Variants in NRG1 observed in about 807,000 individuals in gnomAD.
NRG1 encodes the protein neuregulin 1, also known as pro-neuregulin-1, membrane-bound isoform.
In NRG1, 18 loss-of-function variants were observed where a neutral mutation model predicts 63.8. The observed-to-expected ratio is 0.28, with a 90% CI of 0.19 to 0.42. The LOEUF (loss-of-function observed/expected upper bound fraction) is 0.42, where lower values mean the gene tolerates loss of function less well. Ranked by LOEUF, NRG1 falls within the 10% of genes least tolerant of loss-of-function variation. The pLI is 1.00. For synonymous variants in NRG1, 302 were observed against 301.3 expected, an observed-to-expected ratio of 1.00 and a Z score of -0.02; for missense variants, 762 against 814.7, an observed-to-expected ratio of 0.94 and a Z score of 0.79.
chr8:32,281,786 G>A (rs1317097868), intron 1 of NRG1, among the ~76,000 whole-genome samples: 1 of 148,710 alleles, frequency 6.7e-6, no homozygotes, highest in Admixed American at 6.7e-5. Flanking sequence ...TTCAAAGCCA[G>A]CCTGGGCAAC....
intron 1 of NRG1, among the ~76,000 whole-genome samples, chr8:32,060,495 T>G (rs560289036): frequency 1.3e-5 from 2 of 152,062 alleles, no homozygotes; most frequent in Admixed American, 6.6e-5. Flanking sequence ...TTAGTTCAAT[T>G]TTTTTAGAGA....
intron 1 of NRG1, among the ~76,000 whole-genome samples, chr8:32,413,072 T>C (rs934020635): frequency 2.0e-5 from 3 of 152,194 alleles, no homozygotes; most frequent in African/African-American, 7.2e-5. Flanking sequence ...ATTCTCCTAA[T>C]TGTGTCCCAA....
intron 1 of NRG1, among the ~76,000 whole-genome samples, chr8:32,506,270 A>T (rs1023198447): frequency 1.3e-5 from 2 of 152,110 alleles, no homozygotes; most frequent in Non-Finnish European, 1.5e-5. Context: ...AAAACAAAAC[A>T]AAACAAACAG....
intron 1 of NRG1, among the ~76,000 whole-genome samples, chr8:32,143,755 C>T (rs140061896): frequency 6.6e-6 from 1 of 152,322 alleles, no homozygotes; most frequent in Non-Finnish European, 1.5e-5. Flanking sequence ...TCAAAGTCAA[C>T]AGTTTATGCC....
chr8:32,021,822 TA>T (rs1253540533), intron 1 of NRG1, among the ~76,000 whole-genome samples: 1 of 152,200 alleles, frequency 6.6e-6, no homozygotes, highest in Non-Finnish European at 1.5e-5. Context: ...TCATTGGTAT[TA>T]TTTTCATTAA....
At chr8:31,689,672 C>A (rs1171642531) in intron 1 of NRG1, among the ~76,000 whole-genome samples, 1 of 152,168 alleles carries the variant, frequency 6.6e-6, no homozygotes, top group African/African-American at 2.4e-5. Context: ...TATACTTTAA[C>A]TTACCAACCT....
intron 1 of NRG1, among the ~76,000 whole-genome samples, chr8:32,274,947 C>T (rs2129472727): frequency 6.6e-6 from 1 of 152,284 alleles, no homozygotes; most frequent in East Asian, 1.9e-4. Context: ...GCTTGATCCT[C>T]CCATGTACCA....
At chr8:32,601,178 C>T (rs1333696873) in intron 2 of NRG1, among the ~76,000 whole-genome samples, 1 of 152,076 alleles carries the variant, frequency 6.6e-6, no homozygotes, top group Non-Finnish European at 1.5e-5. Flanking sequence ...CCAATGATGT[C>T]TCTGTAGAGT....
chr8:31,740,618 C>T (rs1815165591), intron 1 of NRG1, among the ~76,000 whole-genome samples: 1 of 151,824 alleles, frequency 6.6e-6, no homozygotes, highest in East Asian at 1.9e-4. Flanking sequence ...ACTCTCCCTT[C>T]TCCATGAAGG....
At chr8:32,190,173 G>GTAT (rs376743930) in intron 1 of NRG1, among the ~76,000 whole-genome samples, 3,053 of 150,088 alleles carry the variant, frequency 0.02, 99 homozygotes, top group African/African-American at 0.063. Context: ...TTATCAAAAT[G>GTAT]TATTATTATT....
chr8:32,080,976 T>A (rs937441873), intron 1 of NRG1, among the ~76,000 whole-genome samples: 8 of 152,096 alleles, frequency 5.3e-5, no homozygotes, highest in African/African-American at 1.9e-4. Context: ...TCTCTCTTGT[T>A]TGGGGAGAGG....
intron 1 of NRG1, among the ~76,000 whole-genome samples, chr8:32,149,806 T>C (rs553823086): frequency 1.4e-4 from 22 of 152,314 alleles, no homozygotes; most frequent in African/African-American, 5.3e-4. Context: ...TTACCTTCCC[T>C]AGATGTCAGT....
chr8:32,164,087 A>G (rs1039188024), intron 1 of NRG1, among the ~76,000 whole-genome samples: 6 of 150,822 alleles, frequency 4.0e-5, no homozygotes, highest in African/African-American at 1.5e-4. Flanking sequence ...TTTTCCCCTC[A>G]CCTCCGGACC....
intron 1 of NRG1, among the ~76,000 whole-genome samples, chr8:32,018,541 G>T (rs1328694942): frequency 6.6e-6 from 1 of 152,040 alleles, no homozygotes; most frequent in East Asian, 1.9e-4. Context: ...TGTACTCTTT[G>T]TATCTTATTT....
rs147438974 is a variant in NRG1 at position 32,510,125 on chromosome 8, A to AATCATCATCATC, written c.38-85698_38-85697insCATCATCATCAT. 2.2e-3 allele frequency among the ~76,000 whole-genome samples: 331 copies of AATCATCATCATC among 148,054 alleles called. 5 individuals carry two copies. Among genetic ancestry groups the AATCATCATCATC allele is most frequent in the East Asian group, 8.0e-3 (40 of 4,986 alleles). Reference sequence around the variant, plus strand: ...TAATAATAATAATAATAATAATAATAATCATAAAAGCAAGGGAGGGAGGGA... The same window carrying AATCATCATCATC: ...TAATAATAATAATAATAATAATAATAATCATCATCATCATCATAAAAGCAAGGGAGGGAGGGA... On this transcript the variant is annotated intron_variant, in intron 1 of 10. Coordinates refer to the NRG1 transcript ENST00000519301.
At chr8:32,732,969 A>G (rs959836635) in intron 6 of NRG1, among the ~76,000 whole-genome samples, 1 of 151,728 alleles carries the variant, frequency 6.6e-6, no homozygotes, top group African/African-American at 2.4e-5. Context: ...CACCATGCCC[A>G]GCTGATTTTT....
At chr8:31,864,782 ATC>A (rs1321460020) in intron 1 of NRG1, among the ~76,000 whole-genome samples, 1 of 152,154 alleles carries the variant, frequency 6.6e-6, no homozygotes, top group African/African-American at 2.4e-5. Context: ...ATTTTGAAGA[ATC>A]TCTGCTGCAG....
At chr8:32,147,053 G>T (rs1473279472) in intron 1 of NRG1, among the ~76,000 whole-genome samples, 1 of 152,092 alleles carries the variant, frequency 6.6e-6, no homozygotes, top group Admixed American at 6.6e-5. Context: ...TCCATCTATA[G>T]TTCACCTCTA....
chr8:32,646,688 A>AACTCATGTCTTTATTCAGTTT (rs1465719547), intron 5 of NRG1: 1 of 985,176 alleles, frequency 1.0e-6, no homozygotes, highest in African/African-American at 1.7e-5. Context: ...TTTTGTAGAG[A>AACTCATGTCTTTATTCAGTTT]AAGAAAGAAA....
Sources: allele counts gnomAD v4.1 joint callset (sites outside exome capture counted in the v4.1 genomes callset), GRCh38; gene constraint gnomAD v4.1.1; transcripts MANE v1.5; gene names NCBI Gene and HGNC (gene_info 2026-07-23, HGNC 2026-07-21).